Variants in CNOT7 observed in about 807,000 individuals in gnomAD.
CNOT7 encodes BTG1-binding factor 1.
CNOT7 carries 4 observed loss-of-function variants against 37.1 expected under a neutral mutation model. The ratio of observed to expected loss-of-function variants is 0.11; its 90% CI spans 0.05 to 0.25. The LOEUF (loss-of-function observed/expected upper bound fraction) is 0.25. Among genes scored for constraint, CNOT7 ranks in the 10% least tolerant of loss-of-function variants. The pLI is 1.00. For synonymous variants in CNOT7, 128 were observed against 115.6 expected, an observed-to-expected ratio of 1.11 and a Z score of -0.69; for missense variants, 170 against 336.2, an observed-to-expected ratio of 0.51 and a Z score of 3.87.
rs772930298 is a variant in CNOT7, at chr8:17,232,548, T to C, written c.619-11A>G. ...CTCCTGTAATCCACCCTAGAAAAAATAAAAAATTGCTTGTCAAGAAGAAAA... is the reference window on the plus strand; with the variant it reads ...CTCCTGTAATCCACCCTAGAAAAAACAAAAAATTGCTTGTCAAGAAGAAAA... On this transcript the variant is annotated splice_polypyrimidine_tract_variant and intron_variant, in intron 5 of 6. Coordinates refer to ENST00000361272, the MANE Select transcript of CNOT7 (RefSeq NM_013354.7). 10 of 1,602,368 alleles carry C rather than the reference T, an allele frequency of 6.2e-6. No individual in the cohort carries two copies. Among genetic ancestry groups the C allele is most frequent in the South Asian group, 2.3e-5 (2 of 88,716 alleles).
intron 4 of CNOT7, among the ~76,000 whole-genome samples, chr8:17,236,057 A>G (rs1451537324): frequency 6.6e-6 from 1 of 152,230 alleles, no homozygotes; most frequent in Non-Finnish European, 1.5e-5. Context: ...AGGTATTTGT[A>G]TCAAGAGTCT....
rs762587949 is a variant in CNOT7, at chr8:17,232,554, A to G, written c.619-17T>C. The G allele has an allele frequency of 2.5e-6, 4 of 1,601,954 alleles. No individual in the cohort carries two copies. In the Admixed American group the frequency reaches 5.4e-5, roughly 21 times the overall value. ...TAATCCACCCTAGAAAAAATAAAAA[A>G]TTGCTTGTCAAGAAGAAAAATCTTA... is the stretch of plus-strand genomic sequence containing the variant. On this transcript the variant is annotated splice_polypyrimidine_tract_variant and intron_variant, in intron 5 of 6. Coordinates refer to ENST00000361272, the MANE Select transcript of CNOT7 (RefSeq NM_013354.7).
intron 4 of CNOT7, among the ~76,000 whole-genome samples, chr8:17,236,180 C>T (rs1337957839): frequency 2.0e-5 from 3 of 152,184 alleles, no homozygotes. Context: ...TAGTACACAT[C>T]AAAGTTGCCC....
At chr8:17,238,493 C>G (rs970132402) in intron 3 of CNOT7, among the ~76,000 whole-genome samples, 1 of 150,236 alleles carries the variant, frequency 6.7e-6, no homozygotes, top group East Asian at 1.9e-4. Flanking sequence ...ACAGAATAAA[C>G]CCAATGAAGT....
chr8:17,230,573 A>ATACT lies in CNOT7; in HGVS notation c.*143_*146dup. 1 of 507,996 alleles carries ATACT rather than the reference A, an allele frequency of 2.0e-6. No homozygotes were observed. Among genetic ancestry groups the ATACT allele is most frequent in the South Asian group, 6.5e-5 (1 of 15,346 alleles). 31.5% of individuals were successfully genotyped at this position (507,996 alleles called of 1,614,324 possible). On this transcript the variant is annotated 3_prime_UTR_variant, in exon 7 of 7. Transcript: ENST00000361272. Reference sequence around the variant, plus strand: ...ATTAAGATCTGAGATAGGAACGGTCATACTTAGTACTGAAAGGCAGACAAT... The same window carrying ATACT: ...ATTAAGATCTGAGATAGGAACGGTCATACTTACTTAGTACTGAAAGGCAGACAAT...
In CNOT7 at chr8:17,230,867, GAAAA is replaced by G. The variant is rs568891241; in HGVS notation, c.730-23_730-20del. 2 of 1,391,654 alleles carry G rather than the reference GAAAA, an allele frequency of 1.4e-6. No homozygotes were observed. The highest frequency in any genetic ancestry group is 1.9e-4 in the Middle Eastern group (1 of 5,304). 86.2% of individuals were successfully genotyped at this position (1,391,654 alleles called of 1,614,324 possible). On this transcript the variant is annotated intron_variant, in intron 6 of 6. Transcript: ENST00000361272. ...AGAACATCTAAAAAGGAATTTTGAA[GAAAA>G]AAAAAAGATAATTTTAACCAAAAGG...
chr8:17,234,881 T>C lies in CNOT7; in HGVS notation c.474-21A>G, dbSNP rs781578515. The C allele has an allele frequency of 6.2e-6, 10 of 1,609,106 alleles. No individual in the cohort carries two copies. In the Admixed American group the frequency reaches 1.0e-4, roughly 16 times the overall value. ...AACCGCTATAAAAGGGTTAAAAGAA[T>C]AGAGAAGAGGGACATATAAATACTA... is the stretch of plus-strand genomic sequence containing the variant. On this transcript the variant is annotated intron_variant, in intron 4 of 6. Transcript: ENST00000361272.
intron 1 of CNOT7, chr8:17,246,237 A>T (rs2959627): frequency 0.95 from 144,160 of 152,310 alleles, 68,752 homozygotes; most frequent in East Asian, 1. Flanking sequence ...TTACTGGAGA[A>T]AGCATCTCCG....
At position 17,245,022 on chromosome 8, in the gene CNOT7, G is replaced by A. The variant is rs192001497; in HGVS notation, c.117+14C>T. ...TTTATATGAAGCGTTTTAAAGATCT[G>A]CTTGTGGGCATACCATAGCAACGTA... is the stretch of plus-strand genomic sequence containing the variant. On this transcript the variant is annotated intron_variant, in intron 2 of 6. Transcript: ENST00000361272. The A allele has an allele frequency of 1.2e-5, 19 of 1,597,200 alleles. 1 individual carries two copies. In the Admixed American group the frequency reaches 1.5e-4, roughly 13 times the overall value.
In CNOT7 at chr8:17,228,853, G is replaced by A. The variant is rs1019440109; in HGVS notation, c.*1867C>T. On this transcript the variant is annotated 3_prime_UTR_variant, in exon 7 of 7. Transcript: ENST00000361272. ...TTTTCTCAGCTAACAAATCACAAGC[G>A]AAAAGAAGCTTCACTTCCTTTTTAA... 2.0e-5 allele frequency: 3 copies of A among 151,880 alleles called. No individual in the cohort carries two copies. Among genetic ancestry groups the A allele is most frequent in the Non-Finnish European group, 4.4e-5 (3 of 67,856 alleles). 9.4% of individuals were successfully genotyped at this position (151,880 alleles called of 1,614,324 possible).
At chr8:17,246,394 T>G (rs1811088011) in intron 1 of CNOT7, 1 of 152,596 alleles carries the variant, frequency 6.6e-6, no homozygotes, top group Admixed American at 6.5e-5. Flanking sequence ...CGTGAAACAA[T>G]ACGAAGAGGT....
At position 17,228,821 on chromosome 8, in the gene CNOT7, A is replaced by G. The variant is rs180678039; in HGVS notation, c.*1899T>C. The G allele has an allele frequency of 2.6e-5, 4 of 152,136 alleles. No individual in the cohort carries two copies. The highest frequency in any genetic ancestry group is 2.0e-4 in the Admixed American group (3 of 15,266). 9.4% of individuals were successfully genotyped at this position (152,136 alleles called of 1,614,324 possible). A position where few individuals can be genotyped will look rare whatever the true frequency, so the allele number is the denominator to read the frequency against. On this transcript the variant is annotated 3_prime_UTR_variant, in exon 7 of 7. Coordinates refer to ENST00000361272, the MANE Select transcript of CNOT7 (RefSeq NM_013354.7). Reference sequence around the variant, plus strand: ...TCTCAAATAGTTGAACAGAATTTAAATATTAGTTTTCTCAGCTAACAAATC... The same window carrying G: ...TCTCAAATAGTTGAACAGAATTTAAGTATTAGTTTTCTCAGCTAACAAATC...
At chr8:17,241,595 A>G (rs1003875671) in intron 3 of CNOT7, 3 of 152,188 alleles carry the variant, frequency 2.0e-5, no homozygotes, top group Admixed American at 6.5e-5. Context: ...TTCTTTCACT[A>G]TTTTACCTAC....
intron 3 of CNOT7, chr8:17,241,208 G>C (rs1810115476): frequency 6.6e-6 from 1 of 151,802 alleles, no homozygotes; most frequent in Admixed American, 6.6e-5. Context: ...TGTAGTGCTA[G>C]CTACCTGTAC....
At chr8:17,240,771 G>A (rs538703609) in intron 3 of CNOT7, among the ~76,000 whole-genome samples, 1 of 152,254 alleles carries the variant, frequency 6.6e-6, no homozygotes, top group African/African-American at 2.4e-5. Context: ...TTGAGAAAAA[G>A]GATAGGAGGC....
rs1340560268 is a variant in CNOT7 at position 17,237,475 on chromosome 8, G to A, written c.312-102C>T. ...ACTACAGTGCCAGAAAAGAGACAGA[G>A]GAATGGCTTGAGTCCACCTGTTTCA... On this transcript the variant is annotated intron_variant, in intron 3 of 6. Coordinates refer to ENST00000361272, the MANE Select transcript of CNOT7 (RefSeq NM_013354.7). 1.2e-5 allele frequency: 13 copies of A among 1,065,274 alleles called. No homozygotes were observed. In the East Asian group the frequency reaches 2.5e-4, roughly 20 times the overall value. The allele number at this position is 1,065,274 out of a possible 1,614,324, so 66.0% of individuals were successfully genotyped here. A position where few individuals can be genotyped will look rare whatever the true frequency, so the allele number is the denominator to read the frequency against.
chr8:17,237,188 C>A, intron 4 of CNOT7, 24 bp downstream of exon 4: 1 of 1,608,844 alleles, frequency 6.2e-7, no homozygotes, highest in Non-Finnish European at 8.5e-7. Context: ...AAAACAAATG[C>A]CATTTTCAAT....
At position 17,227,790 on chromosome 8, in the gene CNOT7, C is replaced by A. The variant is rs1380466783; in HGVS notation, c.*2930G>T. ...AGCATATAATAAAATAGTCCATATT[C>A]CAATGTGCCTTGAAAGTGTAACATT... On this transcript the variant is annotated 3_prime_UTR_variant, in exon 7 of 7. Transcript: ENST00000361272. 6.6e-6 allele frequency: 1 copy of A among 151,850 alleles called. No individual in the cohort carries two copies. The highest frequency in any genetic ancestry group is 1.5e-5 in the Non-Finnish European group (1 of 67,802). The allele number at this position is 151,850 out of a possible 1,614,324, so 9.4% of individuals were successfully genotyped here.
chr8:17,238,164 T>G (rs186845192), intron 3 of CNOT7, among the ~76,000 whole-genome samples: 10 of 152,328 alleles, frequency 6.6e-5, no homozygotes, highest in African/African-American at 2.2e-4. Flanking sequence ...ATCTGAAATA[T>G]TAAAACAAAA....
Sources: allele counts gnomAD v4.1 joint callset (sites outside exome capture counted in the v4.1 genomes callset), GRCh38; gene constraint gnomAD v4.1.1; transcripts MANE v1.5; gene names NCBI Gene and HGNC (gene_info 2026-07-23, HGNC 2026-07-21).